Variants in SUMF2 observed in about 807,000 individuals in gnomAD.
SUMF2 encodes sulfatase modifying factor 2, also known as inactive C-alpha-formylglycine-generating enzyme 2.
In SUMF2, 45 loss-of-function variants were observed where a neutral mutation model predicts 44.8. The ratio of observed to expected loss-of-function variants is 1.00; its 90% CI spans 0.79 to 1.29. SUMF2 has a LOEUF of 1.29. Ranked by LOEUF, SUMF2 falls within the 50% of genes most tolerant of loss-of-function variation. SUMF2 has a pLI of 0.00. For synonymous variants in SUMF2, 148 were observed against 150.4 expected (o/e 0.98, Z 0.12); for missense variants, 418 against 389.9 (o/e 1.07, Z -0.61).
rs1270951408 is a variant in SUMF2 at position 56,079,924 on chromosome 7, T to G, written c.*312T>G. 2.9e-6 allele frequency: 4 copies of G among 1,397,294 alleles called. No individual in the cohort carries two copies. Among genetic ancestry groups the G allele is most frequent in the African/African-American group, 1.5e-5 (1 of 68,620 alleles). The allele number at this position is 1,397,294 out of a possible 1,614,324, so 86.6% of individuals were successfully genotyped here. A position where few individuals can be genotyped will look rare whatever the true frequency, so the allele number is the denominator to read the frequency against. Reference sequence around the variant, plus strand: ...GGAACAGAGCACTCTGAAAGGCCATTTTTTAAGCATTTTAAAATCTATTCT... The same window carrying G: ...GGAACAGAGCACTCTGAAAGGCCATGTTTTAAGCATTTTAAAATCTATTCT... On this transcript the variant is annotated 3_prime_UTR_variant, in exon 9 of 9. Transcript: ENST00000434526.
At chr7:56,081,479 C>CA (rs1348416907), downstream of SUMF2, 10 of 1,218,736 alleles carry the variant, frequency 8.2e-6, no homozygotes, top group Non-Finnish European at 1.0e-5. This position sits in a 1 kb window ranked among gnomAD's most constrained non-coding sequence, Gnocchi z 4.6. Context: ...AGTGGGCTGA[C>CA]ACCTGCCGTC....
chr7:56,075,185 T>TTC (rs1470070822), intron 5 of SUMF2, among the ~76,000 whole-genome samples: 1 of 148,090 alleles, frequency 6.8e-6, no homozygotes, highest in East Asian at 1.9e-4. Context: ...GGACCAGTGT[T>TTC]TTTTTTTTTT....
chr7:56,065,955 C>T (rs1292054049), intron 1 of SUMF2, among the ~76,000 whole-genome samples: 2 of 151,724 alleles, frequency 1.3e-5, no homozygotes, highest in Non-Finnish European at 2.9e-5. Flanking sequence ...GTGGCGGGCG[C>T]CTGTAGTCCC....
Position 56,079,730 on chromosome 7 carries a change from C to T in SUMF2, c.*118C>T, listed in dbSNP as rs751770607. The T allele has an allele frequency of 2.6e-5, 41 of 1,591,704 alleles. No individual in the cohort carries two copies. In the South Asian group the frequency reaches 4.4e-4, roughly 17 times the overall value. ...CAGCCTCAGGAAAGAACTTCCCCTT[C>T]CCTGTCTCCCATCCCTCTGTGGCAG... On this transcript the variant is annotated 3_prime_UTR_variant, in exon 9 of 9. Transcript: ENST00000434526.
rs148652627 is a variant in SUMF2, at chr7:56,072,930, G to A, written c.225-67G>A. ...AGGACAGGGATATCTGAAGTTTCCT[G>A]GAGCAGGAGAAGATGGGGTGGGCAC... On this transcript the variant is annotated intron_variant, in intron 2 of 8. Coordinates refer to ENST00000434526, the MANE Select transcript of SUMF2 (RefSeq NM_015411.4). 259 of 1,184,702 alleles carry A rather than the reference G, an allele frequency of 2.2e-4. No homozygotes were observed. In the African/African-American group the frequency reaches 3.2e-3, roughly 15 times the overall value. The allele number at this position is 1,184,702 out of a possible 1,614,324, so 73.4% of individuals were successfully genotyped here.
At chr7:56,078,633 C>A in intron 8 of SUMF2, 125 bp downstream of exon 8, 1 of 1,160,424 alleles carries the variant, frequency 8.6e-7, no homozygotes, top group Non-Finnish European at 1.1e-6. Context: ...GGTCCCAGCA[C>A]CTCCCTGAGC....
At position 56,074,676 on chromosome 7, in the gene SUMF2, C is replaced by T; in HGVS notation, c.475C>T (p.Arg159Trp). Residue 159 changes from arginine to tryptophan, a missense_variant, in exon 5 of 9, where the codon CGG becomes TGG. Physicochemically the swap from Arg to Trp is moderately radical, Grantham distance 101. Coordinates refer to ENST00000434526, the MANE Select transcript of SUMF2 (RefSeq NM_015411.4). ...TGACGCCCGTGCCTACTGTGCTTGG[C>T]GGGGAAAACGACTGCCCACGGAGGA... ...WNDARAYCAW[R>W]GKRLPTEEEW... The T allele has an allele frequency of 1.2e-6, 2 of 1,614,100 alleles. No homozygotes were observed. The highest frequency in any genetic ancestry group is 4.5e-5 in the East Asian group (2 of 44,876).
intron 5 of SUMF2, among the ~76,000 whole-genome samples, chr7:56,075,568 G>A (rs1402290238): frequency 2.0e-5 from 3 of 151,248 alleles, no homozygotes; most frequent in African/African-American, 7.3e-5. Context: ...GCTTGGTGGC[G>A]GGCGCCTGTA....
At chr7:56,071,610 C>A (rs1478234316) in intron 2 of SUMF2, among the ~76,000 whole-genome samples, 3 of 150,980 alleles carry the variant, frequency 2.0e-5, no homozygotes, top group South Asian at 2.1e-4. Flanking sequence ...CATGGTGAAA[C>A]CCCATCACTA....
downstream of SUMF2, chr7:56,083,074 C>T (rs2036636930): frequency 1.4e-5 from 7 of 511,254 alleles, no homozygotes; most frequent in South Asian, 1.7e-4. Context: ...CCACTGCACT[C>T]CAGCCTGGGC....
downstream of SUMF2, chr7:56,081,482 C>T (rs1562875926): frequency 8.1e-7 from 1 of 1,229,916 alleles, no homozygotes; most frequent in Non-Finnish European, 1.1e-6. The surrounding 1 kb of genome is among the most constrained non-coding windows in gnomAD (Gnocchi z 4.6). Flanking sequence ...GGGCTGACAC[C>T]TGCCGTCTTT....
chr7:56,083,124 A>G, downstream of SUMF2: 1 of 679,710 alleles, frequency 1.5e-6, no homozygotes, highest in Non-Finnish European at 2.4e-6. Flanking sequence ...AAAAAAAGAA[A>G]GAAAAAGAAA....
the SUMF2 span, chr7:56,087,652 C>T: frequency 1.2e-6 from 2 of 1,613,904 alleles, no homozygotes; most frequent in Non-Finnish European, 1.7e-6. Context: ...TTCAGCGTGG[C>T]TTCTCGCAGC....
downstream of SUMF2, chr7:56,081,049 G>A (rs1220588774): frequency 6.2e-7 from 1 of 1,611,234 alleles, no homozygotes; most frequent in East Asian, 2.2e-5. This position sits in a 1 kb window ranked among gnomAD's most constrained non-coding sequence, Gnocchi z 4.6. Context: ...TGACTGGCCA[G>A]CCCCTCAGTA....
At chr7:56,074,308 G>A (rs1314109890) in intron 4 of SUMF2, 90 bp downstream of exon 4, 2 of 1,360,072 alleles carry the variant, frequency 1.5e-6, no homozygotes, top group African/African-American at 2.9e-5. Context: ...GTACATCCAG[G>A]AACACTGAGT....
At chr7:56,081,390 C>CCCAA, downstream of SUMF2, 1 of 1,478,600 alleles carries the variant, frequency 6.8e-7, no homozygotes, top group Non-Finnish European at 9.0e-7. This position sits in a 1 kb window ranked among gnomAD's most constrained non-coding sequence, Gnocchi z 4.6. Flanking sequence ...TCGTTTGCCA[C>CCCAA]GAAGCCTTGG....
chr7:56,081,251 G>A (rs149458708), downstream of SUMF2: 201 of 1,613,104 alleles, frequency 1.2e-4, no homozygotes, highest in African/African-American at 2.2e-3. This position sits in a 1 kb window ranked among gnomAD's most constrained non-coding sequence, Gnocchi z 4.6. Flanking sequence ...TTCACCCGGC[G>A]GTACTGGTAG....
intron 1 of SUMF2, among the ~76,000 whole-genome samples, chr7:56,066,385 T>C (rs1562858045): frequency 6.6e-6 from 1 of 152,204 alleles, no homozygotes; most frequent in Non-Finnish European, 1.5e-5. Context: ...TATTTCTTTT[T>C]TGGATCTTGG....
Position 56,068,551 on chromosome 7 carries a change from A to G in SUMF2, c.137A>G (p.Asp46Gly), listed in dbSNP as rs759087919. Residue 46 changes from aspartate (D) to glycine (G), a missense_variant, in exon 2 of 9, where the codon GAC becomes GGC. By Grantham distance (94) the Asp-to-Gly change is moderately conservative. Transcript: ENST00000434526. ...TTCCTGATGGGAACAAATTCTCCAG[A>G]CAGCAGAGATGGTGACGGGCCTGTG... is the stretch of plus-strand genomic sequence containing the variant. ...GRFLMGTNSP[D>G]SRDGDGPVRE... 1 of 1,614,066 alleles carries G rather than the reference A, an allele frequency of 6.2e-7. No individual in the cohort carries two copies. The highest frequency in any genetic ancestry group is 1.6e-4 in the Middle Eastern group (1 of 6,062).
Sources: gnomAD v4.1 joint callset for allele counts (sites outside exome capture counted in the v4.1 genomes callset) on GRCh38, gnomAD v4.1.1 for gene constraint, Gnocchi (gnomAD v3.1) non-coding constraint, MANE v1.5 for transcripts, NCBI Gene and HGNC (gene_info 2026-07-23, HGNC 2026-07-21) for gene names.